Variants in CPXM2 observed in about 807,000 individuals in gnomAD.
CPXM2 encodes inactive carboxypeptidase-like protein X2.
In CPXM2, 66 loss-of-function variants were observed where a neutral mutation model predicts 86.1. That is an observed-to-expected ratio of 0.77 (90% CI 0.63 to 0.94). The LOEUF is 0.94. Among genes scored for constraint, CPXM2 ranks in the 40% least tolerant of loss-of-function variants. The pLI is 0.00. For synonymous variants in CPXM2, 388 were observed against 400.2 expected (o/e 0.97, Z 0.36); for missense variants, 948 against 1,026.3 (o/e 0.92, Z 1.04).
chr10:123,913,542 G>A (rs2134272406), intron 2 of CPXM2: 1 of 166,016 alleles, frequency 6.0e-6, no homozygotes, highest in Non-Finnish European at 1.3e-5. Context: ...TTCCCACAAA[G>A]GGAATTAAAG....
intron 2 of CPXM2, among the ~76,000 whole-genome samples, chr10:123,909,486 C>T (rs1418032970): frequency 1.3e-5 from 2 of 152,244 alleles, no homozygotes; most frequent in South Asian, 2.1e-4. Context: ...ACCTGACAAG[C>T]GGAAGCCCGG....
Position 123,798,050 on chromosome 10 carries a change from C to G in CPXM2, c.815G>C (p.Arg272Pro). The stretch of plus-strand genomic sequence containing the variant: ...ATCAAACCAGGACTGAGGGTTTATG[C>G]GGATGTAGCGGGCCACCATGGGGAC... ...LPVPMVARYI[R>P]INPQSWFDNG... The change falls in exon 6 of 14, where the codon CGC becomes CCC. Residue 272 changes from arginine (R) to proline (P), a missense_variant. Physicochemically the swap from Arg to Pro is moderately radical, Grantham distance 103. Transcript: ENST00000241305. The G allele has an allele frequency of 6.2e-7, 1 of 1,611,402 alleles. No individual in the cohort carries two copies. Among genetic ancestry groups the G allele is most frequent in the Non-Finnish European group, 8.5e-7 (1 of 1,178,664 alleles).
chr10:123,879,557 T>G (rs1034409967), intron 2 of CPXM2, among the ~76,000 whole-genome samples: 2 of 152,140 alleles, frequency 1.3e-5, no homozygotes, highest in African/African-American at 4.8e-5. Flanking sequence ...ACTACATAAG[T>G]GCTTAATAAA....
chr10:123,899,517 G>A (rs995281908), intron 2 of CPXM2, among the ~76,000 whole-genome samples: 4 of 152,250 alleles, frequency 2.6e-5, no homozygotes, highest in African/African-American at 9.6e-5. Context: ...GGCAACTTGG[G>A]ATCAAAGATT....
At chr10:123,876,201 C>T (rs1944983987) in intron 2 of CPXM2, among the ~76,000 whole-genome samples, 1 of 152,154 alleles carries the variant, frequency 6.6e-6, no homozygotes, top group African/African-American at 2.4e-5. Flanking sequence ...TGTTCTGGGT[C>T]ATAGAGAACC....
At chr10:123,876,572 G>A (rs938297261) in intron 2 of CPXM2, among the ~76,000 whole-genome samples, 9 of 152,094 alleles carry the variant, frequency 5.9e-5, no homozygotes, top group Non-Finnish European at 7.4e-5. Context: ...ACAGCCCACC[G>A]CCTGTTTTTG....
chr10:123,775,965 G>C (rs1414910232), intron 7 of CPXM2, among the ~76,000 whole-genome samples: 1 of 152,198 alleles, frequency 6.6e-6, no homozygotes, highest in Non-Finnish European at 1.5e-5. Flanking sequence ...TCTTGAAAGG[G>C]GTCAAAGATT....
chr10:123,890,253 C>G (rs1590105676), intron 1 of CPXM2, among the ~76,000 whole-genome samples: 1 of 152,332 alleles, frequency 6.6e-6, no homozygotes, highest in Admixed American at 6.5e-5. Context: ...TGGATGTGTT[C>G]AGGGTTGTCA....
chr10:123,793,145 T>C (rs1847245537), intron 6 of CPXM2, among the ~76,000 whole-genome samples: 1 of 152,124 alleles, frequency 6.6e-6, no homozygotes, highest in Admixed American at 6.5e-5. Flanking sequence ...ACGGGCTACC[T>C]GAGACCACAG....
At chr10:123,795,837 G>A (rs10902814) in intron 6 of CPXM2, among the ~76,000 whole-genome samples, 76,959 of 151,962 alleles carry the variant, frequency 0.51, 20,874 homozygotes, top group African/African-American at 0.7. Flanking sequence ...CTTCAAACAC[G>A]CACACACCAA....
chr10:123,827,044 G>A (rs183490909), intron 4 of CPXM2, among the ~76,000 whole-genome samples: 91 of 152,266 alleles, frequency 6.0e-4, no homozygotes, highest in Non-Finnish European at 1.2e-3. Context: ...TTGAAGTTCT[G>A]TAGTCTAAAA....
At chr10:123,937,795 T>C (rs939157160) in intron 2 of CPXM2, among the ~76,000 whole-genome samples, 2 of 152,166 alleles carry the variant, frequency 1.3e-5, no homozygotes, top group Non-Finnish European at 2.9e-5. Context: ...TTTTGATCTT[T>C]CTAAAATCAA....
chr10:123,751,286 G>A (rs964417680), intron 13 of CPXM2, among the ~76,000 whole-genome samples: 6 of 152,208 alleles, frequency 3.9e-5, no homozygotes, highest in South Asian at 2.1e-4. Flanking sequence ...TAACATTGTC[G>A]ACCCCCCGAG....
intron 4 of CPXM2, among the ~76,000 whole-genome samples, chr10:123,816,964 C>T (rs1326746882): frequency 1.3e-5 from 2 of 151,502 alleles, no homozygotes; most frequent in Non-Finnish European, 2.9e-5. Flanking sequence ...GGAATAAATT[C>T]GACTAAAATT....
At chr10:123,763,464 T>C (rs947902073) in intron 10 of CPXM2, among the ~76,000 whole-genome samples, 1 of 152,118 alleles carries the variant, frequency 6.6e-6, no homozygotes, top group Non-Finnish European at 1.5e-5. Context: ...TCCTAAGTGA[T>C]GTGATTCTCA....
intron 2 of CPXM2, among the ~76,000 whole-genome samples, chr10:123,932,707 A>C (rs1236528555): frequency 6.6e-6 from 1 of 152,216 alleles, no homozygotes; most frequent in East Asian, 1.9e-4. Context: ...TAAGGAACGC[A>C]AGAGCCTACT....
chr10:123,884,786 C>G (rs890990994), intron 1 of CPXM2, among the ~76,000 whole-genome samples: 2 of 152,204 alleles, frequency 1.3e-5, no homozygotes, highest in Non-Finnish European at 2.9e-5. Flanking sequence ...GGGATACCTG[C>G]CTGGTCAGTC....
chr10:123,877,945 C>T (rs1945013842), intron 2 of CPXM2, among the ~76,000 whole-genome samples: 1 of 152,194 alleles, frequency 6.6e-6, no homozygotes, highest in African/African-American at 2.4e-5. Context: ...ATCGCCTGTA[C>T]TGCCCCCCGC....
At chr10:123,906,012 C>T (rs1009627265) in intron 2 of CPXM2, among the ~76,000 whole-genome samples, 1 of 152,186 alleles carries the variant, frequency 6.6e-6, no homozygotes, top group Non-Finnish European at 1.5e-5. Flanking sequence ...CGGCCAGTGA[C>T]GCCCAGGTAC....
Sources: gnomAD v4.1 joint callset for allele counts (sites outside exome capture counted in the v4.1 genomes callset) on GRCh38, gnomAD v4.1.1 for gene constraint, MANE v1.5 for transcripts, NCBI Gene and HGNC (gene_info 2026-07-23, HGNC 2026-07-21) for gene names.